The following KCNQ1 variants were observed in gnomAD, a reference collection of about 807,000 sequenced individuals.
KCNQ1 encodes potassium voltage-gated channel subfamily Q member 1.
A neutral mutation model predicts 72.4 loss-of-function variants in KCNQ1; 49 were observed. The ratio of observed to expected loss-of-function variants is 0.68; its 90% CI spans 0.54 to 0.86. KCNQ1 has a LOEUF of 0.86. KCNQ1 is among the 40% of genes least tolerant of loss of function. The pLI is 0.00. For missense variants in KCNQ1, 790 were observed against 945.1 expected (o/e 0.84, Z 2.15); for synonymous variants, 450 against 412.6 (o/e 1.09, Z -1.10).
intron 11 of KCNQ1, among the ~76,000 whole-genome samples, chr11:2,718,049 G>A (rs1201273281): frequency 6.6e-6 from 1 of 151,670 alleles, no homozygotes; most frequent in South Asian, 2.1e-4. Flanking sequence ...TAGTCTCAGG[G>A]CATGTTCAAT....
chr11:2,587,068 G>A (rs1459474143), intron 8 of KCNQ1, among the ~76,000 whole-genome samples: 1 of 152,174 alleles, frequency 6.6e-6, no homozygotes, highest in Non-Finnish European at 1.5e-5. Context: ...AGGCCTCTGG[G>A]AGAGACCTCA....
rs1814615848 is a variant in KCNQ1 at position 2,784,049 on chromosome 11, C to G, written c.1794+6012C>G. ...ATGGCTCAGGCTTTTGATGTTTTATCTAAGAACTCTGCCTAATCCAAAGCC... is the reference window on the plus strand; with the variant it reads ...ATGGCTCAGGCTTTTGATGTTTTATGTAAGAACTCTGCCTAATCCAAAGCC... On this transcript the variant is annotated intron_variant, in intron 15 of 15. Transcript: ENST00000155840. The surrounding 1 kb of genome is among the most constrained non-coding windows in gnomAD (Gnocchi z 4.7). 6.6e-6 allele frequency among the ~76,000 whole-genome samples: 1 copy of G among 151,888 alleles called. No homozygotes were observed.
Position 2,451,881 on chromosome 11 carries a change from TGCCC to T in KCNQ1, c.386+6398_386+6401del, listed in dbSNP as rs1846123465. ...TCAGGACACCCAGAAGCCCTTAGGA[TGCCC>T]AGAAGCCCTTAGGATGCTGTGGTCT... On this transcript the variant is annotated intron_variant, in intron 1 of 15. Coordinates refer to ENST00000155840, the MANE Select transcript of KCNQ1 (RefSeq NM_000218.3). The surrounding 1 kb of genome is among the most constrained non-coding windows in gnomAD (Gnocchi z 6.4). Among the ~76,000 whole-genome samples the T allele has an allele frequency of 6.6e-6, 1 of 152,138 alleles. No homozygotes were observed. The highest frequency in any genetic ancestry group is 1.5e-5 in the Non-Finnish European group (1 of 68,024).
chr11:2,665,237 A>G, intron 11 of KCNQ1: 1 of 398,528 alleles, frequency 2.5e-6, no homozygotes, highest in Non-Finnish European at 4.4e-6. Flanking sequence ...ATGGGGCACA[A>G]GAGAGTCCCT....
chr11:2,729,254 C>T (rs231911), intron 11 of KCNQ1, among the ~76,000 whole-genome samples: 91,260 of 152,270 alleles, frequency 0.6, 27,693 homozygotes, highest in Middle Eastern at 0.71. Flanking sequence ...GGCCATGCTG[C>T]GGGCTCGAGT....
intron 10 of KCNQ1, chr11:2,640,519 C>T: frequency 2.5e-6 from 1 of 397,826 alleles, no homozygotes. Context: ...TTCCTGGGCT[C>T]AAGCGATCCT....
chr11:2,620,959 T>G lies in KCNQ1; in HGVS notation c.1393+32105T>G, dbSNP rs973977116. ...TGTTGTTTTGTTTTGTTTTTTTTTGTCTGTTTTTTGCTTTTTTGTTTGTTT... is the reference window on the plus strand; with the variant it reads ...TGTTGTTTTGTTTTGTTTTTTTTTGGCTGTTTTTTGCTTTTTTGTTTGTTT... On this transcript the variant is annotated intron_variant, in intron 10 of 15. Coordinates refer to ENST00000155840, the MANE Select transcript of KCNQ1 (RefSeq NM_000218.3). This position sits in a 1 kb window ranked among gnomAD's most constrained non-coding sequence, Gnocchi z 4.5. 2 of 396,586 alleles carry G rather than the reference T, an allele frequency of 5.0e-6. No homozygotes were observed. The highest frequency in any genetic ancestry group is 8.9e-6 in the Non-Finnish European group (2 of 225,634). The allele number at this position is 396,586 out of a possible 1,614,324, so 24.6% of individuals were successfully genotyped here.
In KCNQ1 at chr11:2,559,286, C is replaced by T. The variant is rs1050070067; in HGVS notation, c.478-11342C>T. Among the ~76,000 whole-genome samples, 1 of 152,086 alleles carries T rather than the reference C, an allele frequency of 6.6e-6. No homozygotes were observed. Among genetic ancestry groups the T allele is most frequent in the Non-Finnish European group, 1.5e-5 (1 of 68,024 alleles). On this transcript the variant is annotated intron_variant, in intron 2 of 15. Coordinates refer to ENST00000155840, the MANE Select transcript of KCNQ1 (RefSeq NM_000218.3). This position sits in a 1 kb window ranked among gnomAD's most constrained non-coding sequence, Gnocchi z 4.9. ...GAATCAGTCCTGGGGCCTGGAGGGT[C>T]GTAGAGAAATGTGTGAACATGGCTC...
rs1243412865 is a variant in KCNQ1, at chr11:2,541,854, G to A, written c.477+13836G>A. Among the ~76,000 whole-genome samples, 2 of 152,184 alleles carry A rather than the reference G, an allele frequency of 1.3e-5. No individual in the cohort carries two copies. Among genetic ancestry groups the A allele is most frequent in the Non-Finnish European group, 2.9e-5 (2 of 68,036 alleles). ...CCCTGTCAGAGGCGCTGAGGCCCAG[G>A]TCCTGTGGCTGGTCCTCGCATAGAC... is the stretch of plus-strand genomic sequence containing the variant. On this transcript the variant is annotated intron_variant, in intron 2 of 15. Transcript: ENST00000155840. The surrounding 1 kb of genome is among the most constrained non-coding windows in gnomAD (Gnocchi z 4.8).
Position 2,531,539 on chromosome 11 carries a change from G to A in KCNQ1, c.477+3521G>A, listed in dbSNP as rs11823023. Among the ~76,000 whole-genome samples, 25,825 of 152,174 alleles carry A rather than the reference G, an allele frequency of 0.17. 2,342 individuals are homozygous for A. The highest frequency in any genetic ancestry group is 0.25 in the Middle Eastern group (74 of 294). On this transcript the variant is annotated intron_variant, in intron 2 of 15. Coordinates refer to ENST00000155840, the MANE Select transcript of KCNQ1 (RefSeq NM_000218.3). ...CCCAGCAGCCCTGCCCACTGTCTGC[G>A]CATCCCTGGGGTCTGTGCGCCACCT...
rs1846955646 is a variant in KCNQ1, at chr11:2,498,418, C to G, written c.387-29510C>G. On this transcript the variant is annotated intron_variant, in intron 1 of 15. Coordinates refer to ENST00000155840, the MANE Select transcript of KCNQ1 (RefSeq NM_000218.3). This position sits in a 1 kb window ranked among gnomAD's most constrained non-coding sequence, Gnocchi z 4.8. Reference sequence around the variant, plus strand: ...GAGGAATCTAGAGAAGCAGTCTGGCCTCAGCTGCTTTGCTGTGCTTTGGTG... The same window carrying G: ...GAGGAATCTAGAGAAGCAGTCTGGCGTCAGCTGCTTTGCTGTGCTTTGGTG... 6.6e-6 allele frequency among the ~76,000 whole-genome samples: 1 copy of G among 152,234 alleles called. No individual in the cohort carries two copies. Among genetic ancestry groups the G allele is most frequent in the African/African-American group, 2.4e-5 (1 of 41,454 alleles).
At position 2,479,463 on chromosome 11, in the gene KCNQ1, T is replaced by A. The variant is rs989379535; in HGVS notation, c.386+33979T>A. On this transcript the variant is annotated intron_variant, in intron 1 of 15. Transcript: ENST00000155840. The surrounding 1 kb of genome is among the most constrained non-coding windows in gnomAD (Gnocchi z 4.6). ...GTGCACCCACAGGCTCAACACCACA[T>A]GGAAGCTACCAAGAGTTGGGGCTTG... is the stretch of plus-strand genomic sequence containing the variant. Among the ~76,000 whole-genome samples the A allele has an allele frequency of 1.3e-5, 2 of 152,228 alleles. No individual in the cohort carries two copies. Among genetic ancestry groups the A allele is most frequent in the African/African-American group, 4.8e-5 (2 of 41,464 alleles).
rs1008776289 is a variant in KCNQ1 at position 2,563,842 on chromosome 11, T to G, written c.478-6786T>G. Among the ~76,000 whole-genome samples the G allele has an allele frequency of 1.3e-5, 2 of 152,218 alleles. No individual in the cohort carries two copies. Among genetic ancestry groups the G allele is most frequent in the Admixed American group, 1.3e-4 (2 of 15,292 alleles). On this transcript the variant is annotated intron_variant, in intron 2 of 15. Transcript: ENST00000155840. The surrounding 1 kb of genome is among the most constrained non-coding windows in gnomAD (Gnocchi z 7.4). ...AGAGGGCTCAAGGTCTGCATGCCAT[T>G]TTGCAATTGACAAATGGCTTGTGCT...
intron 10 of KCNQ1, chr11:2,656,234 T>G (rs187534582): frequency 3.5e-5 from 14 of 398,698 alleles, no homozygotes; most frequent in Admixed American, 8.8e-5. Flanking sequence ...CTCTGTCACT[T>G]GACAACTGCA....
In KCNQ1 at chr11:2,482,981, G is replaced by GA. The variant is rs1374333508; in HGVS notation, c.386+37499dup. On this transcript the variant is annotated intron_variant, in intron 1 of 15. Coordinates refer to ENST00000155840, the MANE Select transcript of KCNQ1 (RefSeq NM_000218.3). The surrounding 1 kb of genome is among the most constrained non-coding windows in gnomAD (Gnocchi z 5.7). ...GTGTCTCTTAGCAGTAAGACCTTGA[G>GA]AAGGAGCCAGGCAGGGAGGAATGGG... Among the ~76,000 whole-genome samples the GA allele has an allele frequency of 1.3e-5, 2 of 152,190 alleles. No individual in the cohort carries two copies. The highest frequency in any genetic ancestry group is 6.5e-5 in the Admixed American group (1 of 15,280).
chr11:2,797,055 G>T (rs1298947711), intron 15 of KCNQ1, among the ~76,000 whole-genome samples: 1 of 152,224 alleles, frequency 6.6e-6, no homozygotes, highest in Non-Finnish European at 1.5e-5. Flanking sequence ...TCCCCACGGG[G>T]CCACAACGGG....
chr11:2,740,197 C>G (rs530230005), intron 11 of KCNQ1, among the ~76,000 whole-genome samples: 1 of 152,214 alleles, frequency 6.6e-6, no homozygotes, highest in South Asian at 2.1e-4. Context: ...CTCTGAGGAG[C>G]CTCCAGGAAT....
intron 1 of KCNQ1, among the ~76,000 whole-genome samples, chr11:2,470,707 G>T (rs913037424): frequency 1.5e-5 from 2 of 136,996 alleles, no homozygotes; most frequent in Non-Finnish European, 3.1e-5. Flanking sequence ...AGTTAGGTGG[G>T]GGGGGGGGTG....
intron 6 of KCNQ1, among the ~76,000 whole-genome samples, 193 bp from the exon 7 acceptor site, chr11:2,583,242 C>T (rs191291475): frequency 1.3e-3 from 202 of 152,284 alleles, no homozygotes; most frequent in Middle Eastern, 6.8e-3. Flanking sequence ...TGTGTGACGC[C>T]GAGAGCCTGG....
Sources: allele counts gnomAD v4.1 joint callset (sites outside exome capture counted in the v4.1 genomes callset), GRCh38; gene constraint gnomAD v4.1.1; non-coding constraint Gnocchi (gnomAD v3.1); transcripts MANE v1.5; gene names NCBI Gene and HGNC (gene_info 2026-07-23, HGNC 2026-07-21).